ADA: variants seen among roughly 807,000 people sequenced by gnomAD.
ADA encodes the protein adenosine deaminase.
In ADA, 45 loss-of-function variants were observed where a neutral mutation model predicts 49.0. The observed-to-expected ratio is 0.92, with a 90% CI of 0.72 to 1.18. The LOEUF (loss-of-function observed/expected upper bound fraction) is 1.18, where lower values mean the gene tolerates loss of function less well. Among genes scored for constraint, ADA ranks in the 50% most tolerant of loss-of-function variants. The probability of loss-of-function intolerance (pLI) is 0.00; values close to 1 mark genes in which losing one functional copy is unlikely to be tolerated. For missense variants in ADA, 445 were observed against 472.5 expected, an observed-to-expected ratio of 0.94 and a Z score of 0.54; for synonymous variants, 173 against 184.2, an observed-to-expected ratio of 0.94 and a Z score of 0.49.
intron 2 of ADA, chr20:44,635,991 T>C (rs2065476488): frequency 1.8e-6 from 1 of 565,166 alleles, no homozygotes; most frequent in African/African-American, 1.9e-5. Flanking sequence ...CTGGCTCACC[T>C]GACACCAGGA....
intron 1 of ADA, among the ~76,000 whole-genome samples, chr20:44,648,858 T>A (rs1251748096): frequency 6.6e-6 from 1 of 152,152 alleles, no homozygotes; most frequent in East Asian, 1.9e-4. Flanking sequence ...AATCACAGTG[T>A]GAACATTAAA....
intron 1 of ADA, among the ~76,000 whole-genome samples, chr20:44,641,133 C>T (rs1014554169): frequency 7.2e-5 from 11 of 152,302 alleles, no homozygotes; most frequent in African/African-American, 1.7e-4. Context: ...GGGCTAAAAG[C>T]GCAGGCACTG....
At chr20:44,645,460 A>G (rs547735781) in intron 1 of ADA, among the ~76,000 whole-genome samples, 1 of 152,092 alleles carries the variant, frequency 6.6e-6, no homozygotes, top group Non-Finnish European at 1.5e-5. Context: ...TGTCTCTACT[A>G]AAAACACAAA....
At position 44,620,357 on chromosome 20, in the gene ADA, C is replaced by T. The variant is rs761572884; in HGVS notation, c.1020G>A (p.Lys340=). ...AKSSFLPEDE[K]RELLDLLYKA... is the part of the protein sequence containing the mutation. Reference sequence around the variant, plus strand: ...TATAGAGCAGGTCGAGAAGCTCCCTCTTTTCATCTTCTGGGAGGAAACTAG... The same window carrying T: ...TATAGAGCAGGTCGAGAAGCTCCCTTTTTTCATCTTCTGGGAGGAAACTAG... Residue 340 remains lysine (K), a synonymous_variant, in exon 11 of 12, where the codon AAG becomes AAA. Transcript: ENST00000372874. The T allele has an allele frequency of 8.7e-5, 140 of 1,614,114 alleles. 2 individuals carry two copies. The South Asian group carries it at 1.5e-3, about 17-fold the overall frequency.
At chr20:44,629,374 C>T (rs111324063) in intron 2 of ADA, among the ~76,000 whole-genome samples, 12 of 152,302 alleles carry the variant, frequency 7.9e-5, no homozygotes, top group South Asian at 4.1e-4. Context: ...CTTCTACCCC[C>T]AATGCACAAG....
Position 44,623,025 on chromosome 20 carries a change from C to T in ADA, c.660G>A (p.Ser220=), listed in dbSNP as rs147038410. The T allele has an allele frequency of 1.5e-4, 248 of 1,614,176 alleles. No homozygotes were observed. The highest frequency in any genetic ancestry group is 1.2e-3 in the African/African-American group (93 of 75,040). Reference sequence around the variant, plus strand: ...CCCTCACCTCTTTTACTACTTCGGCCGAGCCCACCTCCCCGGCGTGGACAG... The same window carrying T: ...CCCTCACCTCTTTTACTACTTCGGCTGAGCCCACCTCCCCGGCGTGGACAG... ...HRTVHAGEVG[S]AEVVKEAVDI... The change falls in exon 7 of 12, where the codon TCG becomes TCA. Residue 220 remains serine (S), a synonymous_variant. Coordinates refer to ENST00000372874, the MANE Select transcript of ADA (RefSeq NM_000022.4).
intron 2 of ADA, among the ~76,000 whole-genome samples, chr20:44,632,743 A>G (rs1339419789): frequency 6.6e-6 from 1 of 152,154 alleles, no homozygotes; most frequent in Non-Finnish European, 1.5e-5. Context: ...CCCAGGCTGG[A>G]GTGCAATGGC....
At chr20:44,624,020 A>C in intron 6 of ADA, 182 bp downstream of exon 6, 1 of 816,996 alleles carries the variant, frequency 1.2e-6, no homozygotes, top group Non-Finnish European at 1.9e-6. Flanking sequence ...TGCTGGGATC[A>C]CAGGCATGAA....
intron 2 of ADA, among the ~76,000 whole-genome samples, chr20:44,634,436 G>A (rs975456112): frequency 5.3e-5 from 8 of 152,246 alleles, no homozygotes; most frequent in African/African-American, 1.9e-4. Flanking sequence ...GTAATGGCCA[G>A]GGCCATGGAC....
At chr20:44,635,004 C>T (rs1430856946) in intron 2 of ADA, among the ~76,000 whole-genome samples, 2 of 152,196 alleles carry the variant, frequency 1.3e-5, no homozygotes, top group Non-Finnish European at 2.9e-5. Flanking sequence ...ACAAGGAGCC[C>T]CTAGCTCCTA....
At chr20:44,638,446 G>T (rs781444319) in intron 1 of ADA, among the ~76,000 whole-genome samples, 2 of 152,074 alleles carry the variant, frequency 1.3e-5, no homozygotes, top group Non-Finnish European at 2.9e-5. Context: ...GCGTGGTGGC[G>T]CACACCTGTA....
chr20:44,627,140 T>C (rs570080760), intron 3 of ADA, among the ~76,000 whole-genome samples: 33 of 150,702 alleles, frequency 2.2e-4, no homozygotes, highest in African/African-American at 7.8e-4. Context: ...TAGAGCCAGC[T>C]GAAGCTTCAC....
chr20:44,625,737 G>A, intron 4 of ADA, 53 bp from the exon 5 acceptor site: 4 of 1,422,094 alleles, frequency 2.8e-6, no homozygotes, highest in South Asian at 1.2e-5. Context: ...AGGCCTAAAG[G>A]GCAGCTCTGG....
At chr20:44,635,926 C>T (rs2065475540) in intron 2 of ADA, 1 of 428,190 alleles carries the variant, frequency 2.3e-6, no homozygotes, top group Non-Finnish European at 4.3e-6. Flanking sequence ...CGGATTCAGC[C>T]CTGGGAACTA....
Position 44,619,684 on chromosome 20 carries a change from G to T in ADA, c.*150C>A. The T allele has an allele frequency of 9.7e-7, 1 of 1,031,540 alleles. No individual in the cohort carries two copies. The allele number at this position is 1,031,540 out of a possible 1,614,324, so 63.9% of individuals were successfully genotyped here. On this transcript the variant is annotated 3_prime_UTR_variant, in exon 12 of 12. Coordinates refer to ENST00000372874, the MANE Select transcript of ADA (RefSeq NM_000022.4). ...GACGCGGCCATGCCGAGGTATACGT[G>T]TGTGCAGAAATGGACACATAGGGTT... is the stretch of plus-strand genomic sequence containing the variant.
chr20:44,635,351 T>C (rs538900462), intron 2 of ADA, among the ~76,000 whole-genome samples: 6 of 152,306 alleles, frequency 3.9e-5, no homozygotes, highest in African/African-American at 1.4e-4. Flanking sequence ...ACCCTGATGA[T>C]GTAGTAAAGC....
intron 3 of ADA, among the ~76,000 whole-genome samples, chr20:44,627,260 C>T (rs1257439468): frequency 6.6e-6 from 1 of 151,932 alleles, no homozygotes; most frequent in Non-Finnish European, 1.5e-5. Flanking sequence ...CAGCTCACTG[C>T]AGCCTCTGCC....
intron 1 of ADA, among the ~76,000 whole-genome samples, chr20:44,640,495 C>A (rs942563525): frequency 7.2e-5 from 11 of 151,890 alleles, no homozygotes; most frequent in Middle Eastern, 3.4e-3. Context: ...TGGTGAAACC[C>A]CATGTCTACT....
Position 44,625,687 on chromosome 20 carries a change from G to C in ADA, c.363-3C>G, listed in dbSNP as rs753035656. ...CCTCGTCTGGGGTGAGGTCCCCTCT[G>C]TGTGAGGAGAGGAGTAGGGATGGGC... On this transcript the variant is annotated splice_region_variant and splice_polypyrimidine_tract_variant and intron_variant, in intron 4 of 11. Transcript: ENST00000372874. The C allele has an allele frequency of 1.9e-6, 3 of 1,556,650 alleles. No homozygotes were observed. Among genetic ancestry groups the C allele is most frequent in the Non-Finnish European group, 1.7e-6 (2 of 1,149,100 alleles).
Sources: gnomAD v4.1 joint callset for allele counts (sites outside exome capture counted in the v4.1 genomes callset) on GRCh38, gnomAD v4.1.1 for gene constraint, MANE v1.5 for transcripts, NCBI Gene and HGNC (gene_info 2026-07-23, HGNC 2026-07-21) for gene names.